The following NECAB1 variants were observed in gnomAD, a reference collection of about 807,000 sequenced individuals.
NECAB1 encodes N-terminal EF-hand calcium-binding protein 1.
A neutral mutation model predicts 57.5 loss-of-function variants in NECAB1; 29 were observed. That is an observed-to-expected ratio of 0.50 (90% CI 0.38 to 0.69). The LOEUF (loss-of-function observed/expected upper bound fraction) is 0.69, where lower values mean the gene tolerates loss of function less well. Ranked by LOEUF, NECAB1 falls within the 30% of genes least tolerant of loss-of-function variation. The probability of loss-of-function intolerance (pLI) is 0.00; values close to 1 mark genes in which losing one functional copy is unlikely to be tolerated. For synonymous variants in NECAB1, 142 were observed against 147.7 expected (o/e 0.96, Z 0.28); for missense variants, 372 against 413.8 (o/e 0.90, Z 0.88).
At chr8:90,889,375 T>C (rs1809094454) in intron 5 of NECAB1, among the ~76,000 whole-genome samples, 1 of 152,222 alleles carries the variant, frequency 6.6e-6, no homozygotes, top group East Asian at 1.9e-4. Flanking sequence ...TCCCTGTGAA[T>C]TGCTTTCTGG....
intron 11 of NECAB1, among the ~76,000 whole-genome samples, chr8:90,950,113 T>C (rs569399984): frequency 6.6e-6 from 1 of 152,232 alleles, no homozygotes; most frequent in African/African-American, 2.4e-5. Context: ...ACTTTGAGTC[T>C]TACCATTTTA....
intron 4 of NECAB1, among the ~76,000 whole-genome samples, chr8:90,876,624 G>T (rs1019591751): frequency 6.6e-6 from 1 of 152,004 alleles, no homozygotes; most frequent in South Asian, 2.1e-4. Flanking sequence ...GTTTGGTAAT[G>T]CAACACCACT....
chr8:90,895,017 G>C (rs1399201187), intron 5 of NECAB1, among the ~76,000 whole-genome samples: 1 of 152,194 alleles, frequency 6.6e-6, no homozygotes, highest in African/African-American at 2.4e-5. Context: ...CTTCAGTCTG[G>C]TGAATGCATA....
intron 4 of NECAB1, among the ~76,000 whole-genome samples, chr8:90,876,194 T>G (rs1382873355): frequency 6.6e-6 from 1 of 151,910 alleles, no homozygotes; most frequent in East Asian, 1.9e-4. Flanking sequence ...CAAGTCTGAG[T>G]GCTAGGAAAT....
At chr8:90,811,981 C>A (rs887405123) in intron 2 of NECAB1, among the ~76,000 whole-genome samples, 1 of 152,084 alleles carries the variant, frequency 6.6e-6, no homozygotes, top group Non-Finnish European at 1.5e-5. Context: ...AAAGCTGCAC[C>A]TCAAATAGAG....
chr8:90,940,864 G>A lies in NECAB1; in HGVS notation c.826G>A (p.Val276Met), dbSNP rs145445808. Residue 276 changes from valine (V) to methionine (M), a missense_variant, in exon 10 of 13, where the codon GTG becomes ATG. Physicochemically the swap from Val to Met is conservative, Grantham distance 21. Transcript: ENST00000417640. ...EEFQLALKHY[V>M]ESASSQSGCL... The stretch of plus-strand genomic sequence containing the variant: ...ATTCCAGCTCGCTCTGAAACACTAC[G>A]TGGAGAGTGCTTCCTCCCAAAGTGG... 9.9e-5 allele frequency: 155 copies of A among 1,561,640 alleles called. 2 individuals are homozygous for A. In the East Asian group the frequency reaches 2.3e-3, roughly 23 times the overall value.
Position 90,935,274 on chromosome 8 carries a change from A to G in NECAB1, c.747+917A>G, listed in dbSNP as rs143701902. Among the ~76,000 whole-genome samples, 1,359 of 152,308 alleles carry G rather than the reference A, an allele frequency of 8.9e-3. 7 individuals carry two copies. The highest frequency in any genetic ancestry group is 0.014 in the Non-Finnish European group (948 of 68,008). Reference sequence around the variant, plus strand: ...GGCTCCTGCCCATCTGTCCAAACTCATAATCCAAAGGGATTCTTCAGAGGA... The same window carrying G: ...GGCTCCTGCCCATCTGTCCAAACTCGTAATCCAAAGGGATTCTTCAGAGGA... On this transcript the variant is annotated intron_variant, in intron 9 of 12. Coordinates refer to ENST00000417640, the MANE Select transcript of NECAB1 (RefSeq NM_022351.5).
chr8:90,809,205 G>T (rs1811910120), intron 2 of NECAB1, among the ~76,000 whole-genome samples: 1 of 152,142 alleles, frequency 6.6e-6, no homozygotes, highest in South Asian at 2.1e-4. Context: ...CTCTAGATGT[G>T]TCTCCATCTC....
chr8:90,921,424 T>G (rs1366622940), intron 6 of NECAB1, among the ~76,000 whole-genome samples: 7 of 152,088 alleles, frequency 4.6e-5, no homozygotes, highest in Non-Finnish European at 1.0e-4. Flanking sequence ...ATTCCTGCAC[T>G]TTGGGAGGCC....
intron 10 of NECAB1, among the ~76,000 whole-genome samples, chr8:90,943,241 T>C (rs1186129278): frequency 6.6e-6 from 1 of 152,226 alleles, no homozygotes; most frequent in Non-Finnish European, 1.5e-5. Context: ...CATCAGCTCC[T>C]GCTGTGAAGT....
chr8:90,952,654 G>A (rs1285731809), intron 12 of NECAB1, among the ~76,000 whole-genome samples: 1 of 152,026 alleles, frequency 6.6e-6, no homozygotes, highest in Non-Finnish European at 1.5e-5. Context: ...GGGCATGCCT[G>A]TAATCCTAGC....
At chr8:90,921,861 C>T (rs1361443911) in intron 6 of NECAB1, among the ~76,000 whole-genome samples, 3 of 152,154 alleles carry the variant, frequency 2.0e-5, no homozygotes, top group Non-Finnish European at 4.4e-5. Context: ...CTATCAGCCC[C>T]GGGGAGAATC....
intron 1 of NECAB1, among the ~76,000 whole-genome samples, chr8:90,799,768 G>T (rs570829653): frequency 6.6e-6 from 1 of 152,184 alleles, no homozygotes; most frequent in East Asian, 1.9e-4. Context: ...TTTTTGTTTA[G>T]AATTGCTTTG....
intron 12 of NECAB1, among the ~76,000 whole-genome samples, chr8:90,954,447 G>A (rs1810980399): frequency 6.6e-6 from 1 of 151,952 alleles, no homozygotes; most frequent in Non-Finnish European, 1.5e-5. Context: ...CTTGGTCTGT[G>A]GAGCAGAATG....
At chr8:90,798,952 C>T (rs993826610) in intron 1 of NECAB1, among the ~76,000 whole-genome samples, 32 of 152,288 alleles carry the variant, frequency 2.1e-4, no homozygotes, top group Admixed American at 5.9e-4. Flanking sequence ...GCAGCAGCTC[C>T]AGAATGTGGT....
At chr8:90,933,037 A>G (rs911029440) in intron 8 of NECAB1, among the ~76,000 whole-genome samples, 1 of 152,130 alleles carries the variant, frequency 6.6e-6, no homozygotes, top group Non-Finnish European at 1.5e-5. Context: ...ATACTACCTT[A>G]CTCCTGCAAG....
chr8:90,870,672 C>T (rs1377964195), intron 3 of NECAB1, among the ~76,000 whole-genome samples: 1 of 152,162 alleles, frequency 6.6e-6, no homozygotes, highest in Admixed American at 6.5e-5. Context: ...CTATTTCCCT[C>T]GTAACAACTA....
At chr8:90,803,381 C>T (rs1811792593) in intron 2 of NECAB1, among the ~76,000 whole-genome samples, 1 of 152,052 alleles carries the variant, frequency 6.6e-6, no homozygotes, top group Non-Finnish European at 1.5e-5. Flanking sequence ...GCTTTTGCTC[C>T]CTCTCCACCC....
At chr8:90,837,643 C>G (rs552230968) in intron 3 of NECAB1, among the ~76,000 whole-genome samples, 1 of 152,240 alleles carries the variant, frequency 6.6e-6, no homozygotes, top group South Asian at 2.1e-4. Context: ...CATCAAGAAT[C>G]AAATAGGGAC....
Sources: allele counts gnomAD v4.1 joint callset (sites outside exome capture counted in the v4.1 genomes callset), GRCh38; gene constraint gnomAD v4.1.1; transcripts MANE v1.5; gene names NCBI Gene and HGNC (gene_info 2026-07-23, HGNC 2026-07-21).